The following MAP2 variants were observed in gnomAD, a reference collection of about 807,000 sequenced individuals.
The protein encoded by MAP2 is microtubule-associated protein 2.
Under a neutral mutation model 137.6 loss-of-function variants are expected in MAP2, and 14 were observed. The ratio of observed to expected loss-of-function variants is 0.10; its 90% CI spans 0.07 to 0.16. The LOEUF (loss-of-function observed/expected upper bound fraction) is 0.16. Ranked by LOEUF, MAP2 falls within the 10% of genes least tolerant of loss-of-function variation. The probability of loss-of-function intolerance (pLI) is 1.00; values close to 1 mark genes in which losing one functional copy is unlikely to be tolerated. For synonymous variants in MAP2, 786 were observed against 782.3 expected (o/e 1.00, Z -0.08); for missense variants, 2,088 against 2,191.5 (o/e 0.95, Z 0.94).
intron 1 of MAP2, among the ~76,000 whole-genome samples, chr2:209,506,241 G>A (rs1364256048): frequency 2.0e-5 from 3 of 152,082 alleles, no homozygotes; most frequent in Non-Finnish European, 1.5e-5. Flanking sequence ...GTAGGACAAA[G>A]TTTACTTTTC....
At chr2:209,504,312 A>G (rs2060773342) in intron 1 of MAP2, among the ~76,000 whole-genome samples, 1 of 152,164 alleles carries the variant, frequency 6.6e-6, no homozygotes, top group African/African-American at 2.4e-5. Flanking sequence ...CTATGAAAGT[A>G]TATATTTGGG....
intron 1 of MAP2, among the ~76,000 whole-genome samples, chr2:209,428,138 G>T (rs1693081764): frequency 6.6e-6 from 1 of 152,104 alleles, no homozygotes; most frequent in African/African-American, 2.4e-5. Context: ...GAATTTTTAT[G>T]AAAAACACTT....
intron 1 of MAP2, among the ~76,000 whole-genome samples, chr2:209,450,390 C>T (rs1292172226): frequency 6.6e-6 from 1 of 152,180 alleles, no homozygotes; most frequent in African/African-American, 2.4e-5. Context: ...ATCGCTTGGC[C>T]TCAGTAACAA....
At chr2:209,446,528 A>C (rs1339051967) in intron 1 of MAP2, among the ~76,000 whole-genome samples, 1 of 151,894 alleles carries the variant, frequency 6.6e-6, no homozygotes, top group African/African-American at 2.4e-5. Context: ...GTACATTTTA[A>C]AATGTAGAAA....
Position 209,693,233 on chromosome 2 carries a change from C to A in MAP2, c.1063C>A (p.Gln355Lys). The A allele has an allele frequency of 6.2e-7, 1 of 1,613,954 alleles. No homozygotes were observed. The highest frequency in any genetic ancestry group is 8.5e-7 in the Non-Finnish European group (1 of 1,179,970). ...LQPDDKKSLQ[Q>K]TSGPATAKDS... Reference sequence around the variant, plus strand: ...GCCAGATGACAAAAAATCTCTGCAACAAACCAGTGGCCCAGCTACTGCCAA... The same window carrying A: ...GCCAGATGACAAAAAATCTCTGCAAAAAACCAGTGGCCCAGCTACTGCCAA... Residue 355 changes from glutamine (Q) to lysine (K), a missense_variant, in exon 8 of 16, where the codon CAA (glutamine) becomes AAA (lysine). Physicochemically the swap from Gln to Lys is moderately conservative, Grantham distance 53. Around this residue, in one of 6 missense-constraint regions of MAP2, gnomAD observed 859 missense variants for 794.5 expected, o/e 1.08. Transcript: ENST00000682079.
intron 1 of MAP2, among the ~76,000 whole-genome samples, chr2:209,488,939 C>T (rs11904089): frequency 0.012 from 1,867 of 152,270 alleles, 42 homozygotes; most frequent in African/African-American, 0.043. Context: ...CGAGCTCTGC[C>T]AAGGGACAGA....
intron 3 of MAP2, among the ~76,000 whole-genome samples, chr2:209,599,420 C>G (rs531281606): frequency 9.9e-5 from 15 of 152,238 alleles, no homozygotes; most frequent in Non-Finnish European, 2.1e-4. Context: ...CAAGGTTCCA[C>G]TCATCAAAAT....
chr2:209,603,520 C>A (rs756997010), intron 3 of MAP2, among the ~76,000 whole-genome samples: 1 of 152,074 alleles, frequency 6.6e-6, no homozygotes, highest in East Asian at 1.9e-4. Context: ...AAAGCAGGCA[C>A]GGAGTAACCA....
intron 2 of MAP2, among the ~76,000 whole-genome samples, chr2:209,533,936 A>G (rs1014632895): frequency 3.3e-5 from 5 of 152,166 alleles, no homozygotes; most frequent in African/African-American, 1.2e-4. Flanking sequence ...GGAGAGTGAG[A>G]GCAGGGACCA....
At chr2:209,598,295 G>A (rs971923053) in intron 3 of MAP2, among the ~76,000 whole-genome samples, 29 of 152,166 alleles carry the variant, frequency 1.9e-4, no homozygotes, top group East Asian at 9.7e-4. Flanking sequence ...ATGAGCCACC[G>A]TACCCAGCCT....
At chr2:209,565,491 A>C (rs2073191442) in intron 2 of MAP2, among the ~76,000 whole-genome samples, 1 of 152,148 alleles carries the variant, frequency 6.6e-6, no homozygotes, top group Admixed American at 6.5e-5. Flanking sequence ...AAGTGCTGGG[A>C]TAATAGGCAT....
At chr2:209,425,443 G>A (rs1363063661) in intron 1 of MAP2, among the ~76,000 whole-genome samples, 2 of 152,056 alleles carry the variant, frequency 1.3e-5, no homozygotes, top group African/African-American at 4.8e-5. Flanking sequence ...TGTATTTGAG[G>A]GTTTGGAAAT....
At chr2:209,490,690 A>G (rs1224446245) in intron 1 of MAP2, among the ~76,000 whole-genome samples, 2 of 151,536 alleles carry the variant, frequency 1.3e-5, no homozygotes, top group African/African-American at 4.8e-5. Flanking sequence ...AACAAAGATC[A>G]AAAAAGACAA....
chr2:209,571,313 C>T (rs1307519322), intron 2 of MAP2, among the ~76,000 whole-genome samples: 1 of 151,974 alleles, frequency 6.6e-6, no homozygotes, highest in African/African-American at 2.4e-5. Flanking sequence ...CACTGCCACT[C>T]AGGTCAAGAA....
rs369892280 is a variant in MAP2, at chr2:209,697,039, C to A, written c.4510C>A (p.Arg1504=). 1.9e-6 allele frequency: 3 copies of A among 1,598,232 alleles called. No homozygotes were observed. The highest frequency in any genetic ancestry group is 2.6e-6 in the Non-Finnish European group (3 of 1,176,418). ...ACCAACTCATCTCTCCTGTGTTAAGCGGAAAACCACAGGTGACTGTTCAAT... is the reference window on the plus strand; with the variant it reads ...ACCAACTCATCTCTCCTGTGTTAAGAGGAAAACCACAGGTGACTGTTCAAT... ...TRPTHLSCVK[R]KTTAAGGESA... is the part of the protein sequence containing the mutation. Residue 1504 remains arginine (R), a synonymous_variant, in exon 10 of 16, where the codon CGG becomes AGG. Coordinates refer to ENST00000682079, the MANE Select transcript of MAP2 (RefSeq NM_001375505.1).
intron 4 of MAP2, among the ~76,000 whole-genome samples, chr2:209,650,484 A>G (rs889059472): frequency 6.6e-6 from 1 of 152,100 alleles, no homozygotes; most frequent in Admixed American, 6.6e-5. Context: ...AAACAGACAG[A>G]TCTCAATAGA....
intron 5 of MAP2, among the ~76,000 whole-genome samples, chr2:209,664,102 G>T (rs1428332088): frequency 6.6e-6 from 1 of 152,118 alleles, no homozygotes; most frequent in Non-Finnish European, 1.5e-5. Flanking sequence ...ATTTTACTGA[G>T]GTTACTTGTT....
At chr2:209,699,630 A>T (rs746477540) in intron 10 of MAP2, among the ~76,000 whole-genome samples, 2 of 152,122 alleles carry the variant, frequency 1.3e-5, no homozygotes, top group African/African-American at 2.4e-5. Context: ...CATGTGTAGA[A>T]CATGTTCTGT....
intron 11 of MAP2, chr2:209,703,900 T>C: frequency 2.3e-6 from 1 of 441,792 alleles, no homozygotes; most frequent in South Asian, 1.7e-5. Flanking sequence ...ATACCTGTTC[T>C]AGACCTGGTT....
Sources: gnomAD v4.1 joint callset for allele counts (sites outside exome capture counted in the v4.1 genomes callset) on GRCh38, gnomAD v4.1.1 for gene constraint, gnomAD v4.1.1 regional missense constraint, MANE v1.5 for transcripts, NCBI Gene and HGNC (gene_info 2026-07-23, HGNC 2026-07-21) for gene names.